LZTFL1: variants seen among roughly 807,000 people sequenced by gnomAD.
LZTFL1 encodes the protein leucine zipper transcription factor-like protein 1.
In LZTFL1, 25 loss-of-function variants were observed where a neutral mutation model predicts 45.9. The observed-to-expected ratio is 0.54, with a 90% CI of 0.40 to 0.76. LZTFL1 has a LOEUF of 0.76. Ranked by LOEUF, LZTFL1 falls within the 30% of genes least tolerant of loss-of-function variation. LZTFL1 has a pLI of 0.00. For missense variants in LZTFL1, 277 were observed against 331.1 expected (o/e 0.84, Z 1.27); for synonymous variants, 93 against 117.4 (o/e 0.79, Z 1.35).
intron 2 of LZTFL1, among the ~76,000 whole-genome samples, chr3:45,880,704 C>T (rs764291830): frequency 5.3e-5 from 8 of 152,104 alleles, no homozygotes; most frequent in Non-Finnish European, 1.0e-4. Context: ...CAAATTCTTC[C>T]TGCCAACTGT....
chr3:45,910,669 A>C (rs1702777991), intron 2 of LZTFL1, among the ~76,000 whole-genome samples: 1 of 152,240 alleles, frequency 6.6e-6, no homozygotes, highest in Non-Finnish European at 1.5e-5. Flanking sequence ...GAGTAATCCA[A>C]TAAAACAACA....
intron 2 of LZTFL1, among the ~76,000 whole-genome samples, chr3:45,876,794 A>C (rs1701754982): frequency 6.6e-6 from 1 of 152,138 alleles, no homozygotes; most frequent in East Asian, 1.9e-4. Flanking sequence ...GGGTGGTGAA[A>C]AGTTCAAGAA....
At chr3:45,896,819 C>A (rs1702371626) in intron 2 of LZTFL1, among the ~76,000 whole-genome samples, 1 of 152,238 alleles carries the variant, frequency 6.6e-6, no homozygotes, top group South Asian at 2.1e-4. Context: ...TGCCTTGTGC[C>A]CATTCTTGGT....
intron 2 of LZTFL1, among the ~76,000 whole-genome samples, chr3:45,904,751 C>A (rs1248101675): frequency 6.6e-6 from 1 of 152,230 alleles, no homozygotes; most frequent in East Asian, 1.9e-4. Context: ...CCACCACAGT[C>A]TTTCTGCTTC....
rs544240444 is a variant in LZTFL1, at chr3:45,836,792, T to G, written c.129-1008A>C. On this transcript the variant is annotated intron_variant, in intron 2 of 9. Coordinates refer to ENST00000296135, the MANE Select transcript of LZTFL1 (RefSeq NM_020347.4). ...TTGAAGAGTGGAGATGACTTGCCTA[T>G]GGTTACATTGGTGGTGACTAAACCC... Among the ~76,000 whole-genome samples, 44 of 152,366 alleles carry G rather than the reference T, an allele frequency of 2.9e-4. 1 individual carries two copies. The South Asian group carries it at 8.9e-3, about 31-fold the overall frequency.
upstream of LZTFL1, among the ~76,000 whole-genome samples, chr3:45,844,727 T>C (rs1701191057): frequency 6.6e-6 from 1 of 152,166 alleles, no homozygotes; most frequent in Non-Finnish European, 1.5e-5. Context: ...TACAGGGCTC[T>C]TTACAGGAGA....
intron 2 of LZTFL1, among the ~76,000 whole-genome samples, chr3:45,877,901 A>G (rs1701778694): frequency 6.6e-6 from 1 of 151,784 alleles, no homozygotes; most frequent in African/African-American, 2.4e-5. Context: ...GCCTGCCACT[A>G]TGCCTGGCTA....
intron 2 of LZTFL1, among the ~76,000 whole-genome samples, chr3:45,890,415 T>C (rs756258447): frequency 2.9e-5 from 4 of 137,094 alleles, no homozygotes; most frequent in Non-Finnish European, 6.2e-5. Flanking sequence ...AACCTCCGTA[T>C]TCCCCAAGCT....
chr3:45,852,053 TTAACA>T (rs1157028929), intron 4 of LZTFL1, among the ~76,000 whole-genome samples: 1 of 152,138 alleles, frequency 6.6e-6, no homozygotes, highest in Non-Finnish European at 1.5e-5. Flanking sequence ...CTCTTAAATC[TTAACA>T]TATGATCCTC....
chr3:45,837,082 C>A (rs1700985273), intron 2 of LZTFL1, among the ~76,000 whole-genome samples: 1 of 152,180 alleles, frequency 6.6e-6, no homozygotes, highest in Admixed American at 6.5e-5. Context: ...AAAGCATTAT[C>A]ATAGTTAAAC....
intron 2 of LZTFL1, among the ~76,000 whole-genome samples, chr3:45,884,457 C>T (rs543477356): frequency 2.0e-5 from 3 of 152,318 alleles, no homozygotes; most frequent in African/African-American, 7.2e-5. Flanking sequence ...TGCTCTAGAG[C>T]AGCTCTTCCA....
chr3:45,833,214 T>C, intron 4 of LZTFL1, 93 bp from the exon 5 acceptor site: 1 of 827,620 alleles, frequency 1.2e-6, no homozygotes, highest in East Asian at 2.4e-5. Flanking sequence ...GAAGATACTA[T>C]ATATAAACAT....
rs78838514 is a variant in LZTFL1 at position 45,858,773 on chromosome 3, A to G, written c.-138+167T>C. ...TGAGTCTGTCTTTATTAAAAAGAGC[A>G]AAGAGTTTTCCTATAATGTCATATT... is the stretch of plus-strand genomic sequence containing the variant. On this transcript the variant is annotated intron_variant, in intron 3 of 4. Transcript: ENST00000472635. Among the ~76,000 whole-genome samples, 262 of 152,356 alleles carry G rather than the reference A, an allele frequency of 1.7e-3. 8 individuals carry two copies. The East Asian group carries it at 0.049, about 29-fold the overall frequency.
intron 2 of LZTFL1, among the ~76,000 whole-genome samples, chr3:45,911,387 G>A (rs1702792442): frequency 6.6e-6 from 1 of 152,240 alleles, no homozygotes; most frequent in South Asian, 2.1e-4. Context: ...TGGACAAGGT[G>A]TGGATGTCTT....
At chr3:45,872,296 C>T (rs146692923) in intron 2 of LZTFL1, among the ~76,000 whole-genome samples, 2 of 151,844 alleles carry the variant, frequency 1.3e-5, no homozygotes, top group Non-Finnish European at 2.9e-5. Flanking sequence ...GCTGTGGTGT[C>T]GATCGAGTAC....
upstream of LZTFL1, among the ~76,000 whole-genome samples, chr3:45,846,952 G>C (rs1308705543): frequency 1.3e-5 from 2 of 152,022 alleles, no homozygotes; most frequent in African/African-American, 4.8e-5. Flanking sequence ...ATAATAGAAG[G>C]GTCCATGTCA....
chr3:45,885,188 A>G lies in LZTFL1; in HGVS notation c.-214-26172T>C, dbSNP rs1701947684. On this transcript the variant is annotated intron_variant, in intron 2 of 4. Transcript: ENST00000472635. ...GCCTGGGAGTACCACGCCATGACAG[A>G]GCGGCATTGAGTCCTCGGGACAATC... 2.0e-5 allele frequency among the ~76,000 whole-genome samples: 3 copies of G among 152,290 alleles called. No individual in the cohort carries two copies. The South Asian group carries it at 6.2e-4, about 32-fold the overall frequency.
intron 1 of LZTFL1, chr3:45,913,291 C>A (rs1157193999): frequency 5.3e-6 from 4 of 755,202 alleles, no homozygotes; most frequent in African/African-American, 1.8e-5. Context: ...CTGCCACAAC[C>A]TAAAGATCCT....
At chr3:45,839,998 T>C (rs1344314951) in intron 1 of LZTFL1, among the ~76,000 whole-genome samples, 1 of 152,222 alleles carries the variant, frequency 6.6e-6, no homozygotes, top group Non-Finnish European at 1.5e-5. Flanking sequence ...GTATTATTGA[T>C]TATCTTTTTT....
Sources: allele counts gnomAD v4.1 joint callset (sites outside exome capture counted in the v4.1 genomes callset), GRCh38; gene constraint gnomAD v4.1.1; transcripts MANE v1.5; gene names NCBI Gene and HGNC (gene_info 2026-07-23, HGNC 2026-07-21).